The following ESRRG variants were observed in gnomAD, a reference collection of about 807,000 sequenced individuals.
ESRRG encodes the protein estrogen related receptor gamma.
In ESRRG, 13 loss-of-function variants were observed where a neutral mutation model predicts 44.0. The ratio of observed to expected loss-of-function variants is 0.30; its 90% CI spans 0.19 to 0.47. ESRRG has a LOEUF of 0.47. Ranked by LOEUF, ESRRG falls within the 20% of genes least tolerant of loss-of-function variation. The pLI is 1.00. For missense variants in ESRRG, 395 were observed against 580.6 expected (o/e 0.68, Z 3.29); for synonymous variants, 215 against 214.6 (o/e 1.00, Z -0.02).
At chr1:216,852,772 A>T (rs969231338) in intron 2 of ESRRG, among the ~76,000 whole-genome samples, 4 of 152,200 alleles carry the variant, frequency 2.6e-5, no homozygotes, top group African/African-American at 9.6e-5. Flanking sequence ...TCCAAAGTCC[A>T]GACATTTAGG....
chr1:216,522,045 T>A lies in ESRRG; in HGVS notation c.863-2624A>T, dbSNP rs559288574. The stretch of plus-strand genomic sequence containing the variant: ...AACAATGTTACAGCCATAACAACAT[T>A]TCGCACATTTCTTTGGGGTTTAATT... On this transcript the variant is annotated intron_variant, in intron 5 of 6. Transcript: ENST00000408911. Among the ~76,000 whole-genome samples the A allele has an allele frequency of 3.3e-5, 5 of 152,190 alleles. No homozygotes were observed. The South Asian group carries it at 1.0e-3, about 32-fold the overall frequency.
At chr1:216,514,959 TACACACACACACAC>T (rs35668576) in intron 6 of ESRRG, among the ~76,000 whole-genome samples, 2 of 149,158 alleles carry the variant, frequency 1.3e-5, no homozygotes, top group Non-Finnish European at 3.0e-5. Context: ...TTTTACTTTA[TACACACACACACAC>T]ACACACACAC....
intron 3 of ESRRG, among the ~76,000 whole-genome samples, chr1:216,637,832 T>C (rs796350311): frequency 1.4e-4 from 21 of 152,280 alleles, no homozygotes; most frequent in African/African-American, 4.3e-4. Context: ...GTAGTCAATA[T>C]ACTTTTAATA....
intron 1 of ESRRG, among the ~76,000 whole-genome samples, chr1:216,990,035 G>A (rs149803699): frequency 1.3e-5 from 2 of 152,180 alleles, no homozygotes; most frequent in East Asian, 3.9e-4. Context: ...CAGAAACACT[G>A]AGAAATTCTC....
intron 2 of ESRRG, among the ~76,000 whole-genome samples, chr1:216,746,698 T>G (rs2091442093): frequency 6.6e-6 from 1 of 152,162 alleles, no homozygotes; most frequent in African/African-American, 2.4e-5. Context: ...TGGTAAATGT[T>G]TGATGAAATA....
At chr1:216,968,543 T>TGTG in intron 1 of ESRRG, among the ~76,000 whole-genome samples, 1 of 152,280 alleles carries the variant, frequency 6.6e-6, no homozygotes, top group African/African-American at 2.4e-5. Context: ...ATTAACTGAC[T>TGTG]GTGTTTATGT....
intron 1 of ESRRG, among the ~76,000 whole-genome samples, chr1:216,978,680 G>A (rs1250102502): frequency 1.3e-5 from 2 of 152,142 alleles, no homozygotes; most frequent in Non-Finnish European, 2.9e-5. Flanking sequence ...TTCCATGACA[G>A]TCAGAGCAGA....
chr1:216,528,680 A>G (rs1285526884), intron 5 of ESRRG, among the ~76,000 whole-genome samples: 2 of 152,082 alleles, frequency 1.3e-5, no homozygotes, highest in African/African-American at 2.4e-5. Context: ...ATTTTTGTCA[A>G]GTGTAAGAAG....
At chr1:216,628,760 C>G (rs1460715618) in intron 3 of ESRRG, among the ~76,000 whole-genome samples, 1 of 152,076 alleles carries the variant, frequency 6.6e-6, no homozygotes, top group African/African-American at 2.4e-5. Context: ...AAAAGCAAAA[C>G]CTTCAAAACT....
chr1:216,803,049 G>C lies in ESRRG; in HGVS notation c.-13-125558C>G, dbSNP rs527611849. ...CAGATTCTGTGACATCAGCCAGGGA[G>C]TTTGGGCTCATATTAGTAAAAACTG... is the stretch of plus-strand genomic sequence containing the variant. On this transcript the variant is annotated intron_variant, in intron 2 of 7. Transcript: ENST00000359162. Among the ~76,000 whole-genome samples the C allele has an allele frequency of 2.5e-4, 38 of 152,086 alleles. 1 individual carries two copies. The highest frequency in any genetic ancestry group is 4.9e-4 in the Non-Finnish European group (33 of 68,004).
chr1:216,775,549 A>ATTTTTTTT (rs2093573280), intron 2 of ESRRG, among the ~76,000 whole-genome samples: 1 of 82,890 alleles, frequency 1.2e-5, no homozygotes. Context: ...AAAATGTCAC[A>ATTTTTTTT]TCTTTTTTTT....
At chr1:216,942,420 G>A (rs1312688780) in intron 1 of ESRRG, among the ~76,000 whole-genome samples, 2 of 152,112 alleles carry the variant, frequency 1.3e-5, no homozygotes, top group Non-Finnish European at 2.9e-5. Flanking sequence ...TTTCCTTTGA[G>A]TATATATCCA....
At chr1:216,963,402 G>T (rs1407813656) in intron 1 of ESRRG, among the ~76,000 whole-genome samples, 1 of 152,036 alleles carries the variant, frequency 6.6e-6, no homozygotes, top group Non-Finnish European at 1.5e-5. Context: ...TGCCACCCGG[G>T]ATAAAAATAA....
intron 2 of ESRRG, among the ~76,000 whole-genome samples, chr1:216,737,995 CTTT>C (rs144453643): frequency 0.023 from 2,741 of 119,580 alleles, 77 homozygotes; most frequent in African/African-American, 0.073. Context: ...TGAGACATCA[CTTT>C]TTTTTTTTTT....
chr1:216,530,571 T>G (rs1006045944), intron 5 of ESRRG, among the ~76,000 whole-genome samples: 1 of 152,170 alleles, frequency 6.6e-6, no homozygotes, highest in Non-Finnish European at 1.5e-5. Context: ...ACACGCACAT[T>G]AAGCACAGAA....
chr1:216,627,822 T>C (rs2063444812), intron 3 of ESRRG, among the ~76,000 whole-genome samples: 1 of 152,212 alleles, frequency 6.6e-6, no homozygotes, highest in South Asian at 2.1e-4. Context: ...AAGTTTATTT[T>C]TTTTTTCTTG....
intron 2 of ESRRG, among the ~76,000 whole-genome samples, chr1:216,784,305 T>C (rs764060306): frequency 1.1e-4 from 16 of 152,092 alleles, no homozygotes; most frequent in Non-Finnish European, 1.9e-4. Flanking sequence ...GATTTTTCTC[T>C]TTTTAGATAA....
chr1:217,084,331 A>G (rs73101275), intron 1 of ESRRG, among the ~76,000 whole-genome samples: 7,868 of 152,240 alleles, frequency 0.052, 586 homozygotes, highest in African/African-American at 0.17. Flanking sequence ...TACAAATGTT[A>G]GTTATTCTTG....
At chr1:217,005,057 C>A (rs2077544501) in intron 1 of ESRRG, among the ~76,000 whole-genome samples, 1 of 152,116 alleles carries the variant, frequency 6.6e-6, no homozygotes, top group Non-Finnish European at 1.5e-5. Context: ...CACAAGATAA[C>A]TCAGTGTTGT....
Sources: allele counts gnomAD v4.1 joint callset (sites outside exome capture counted in the v4.1 genomes callset), GRCh38; gene constraint gnomAD v4.1.1; transcripts MANE v1.5; gene names NCBI Gene and HGNC (gene_info 2026-07-23, HGNC 2026-07-21).